Variants in CMIP observed in about 807,000 individuals in gnomAD.
The protein encoded by CMIP is C-Maf-inducing protein.
Under a neutral mutation model 97.3 loss-of-function variants are expected in CMIP, and 13 were observed. The observed-to-expected ratio is 0.13, with a 90% CI of 0.09 to 0.21. The LOEUF (loss-of-function observed/expected upper bound fraction) is 0.21, where lower values mean the gene tolerates loss of function less well. Among genes scored for constraint, CMIP ranks in the 10% least tolerant of loss-of-function variants. The probability of loss-of-function intolerance (pLI) is 1.00; values close to 1 mark genes in which losing one functional copy is unlikely to be tolerated. For synonymous variants in CMIP, 538 were observed against 436.3 expected (o/e 1.23, Z -2.91); for missense variants, 847 against 1,024.9 (o/e 0.83, Z 2.37).
rs530059161 is a variant in CMIP, at chr16:81,622,669, G to A, written c.477+1743G>A. On this transcript the variant is annotated intron_variant, in intron 3 of 20. Coordinates refer to ENST00000537098, the MANE Select transcript of CMIP (RefSeq NM_198390.3). ...TGGGGGAAAAATGCCTTATTTAAAA[G>A]GAGGCCAAGATGAGTATCAATGAAG... 1.1e-4 allele frequency among the ~76,000 whole-genome samples: 16 copies of A among 152,326 alleles called. No individual in the cohort carries two copies. In the South Asian group the frequency reaches 3.1e-3, roughly 30 times the overall value.
At chr16:81,569,469 G>C (rs1461031625) in intron 1 of CMIP, among the ~76,000 whole-genome samples, 2 of 152,154 alleles carry the variant, frequency 1.3e-5, no homozygotes. Flanking sequence ...GCACTGGCTG[G>C]GCCTCAGGGG....
In CMIP at chr16:81,696,265, G is replaced by A. The variant is rs1228770358; in HGVS notation, c.1531-295G>A. 6 of 488,824 alleles carry A rather than the reference G, an allele frequency of 1.2e-5. No individual in the cohort carries two copies. The East Asian group carries it at 2.0e-4, about 16-fold the overall frequency. The allele number at this position is 488,824 out of a possible 1,614,324, so 30.3% of individuals were successfully genotyped here. On this transcript the variant is annotated intron_variant, in intron 13 of 20. Coordinates refer to ENST00000537098, the MANE Select transcript of CMIP (RefSeq NM_198390.3). Reference sequence around the variant, plus strand: ...GTTGCTCTGGGCATCTCTACCTGCTGCAGCCACAGGCCCGCTTCATTCAGA... The same window carrying A: ...GTTGCTCTGGGCATCTCTACCTGCTACAGCCACAGGCCCGCTTCATTCAGA...
At position 81,620,917 on chromosome 16, in the gene CMIP, G is replaced by C; in HGVS notation, c.468G>C (p.Leu156=). Residue 156 remains leucine (L), a synonymous_variant, in exon 3 of 21, where the codon CTG becomes CTC. Transcript: ENST00000537098. ...TGCGAGACCAGTGGTTCCATTCTCT[G>C]CAATGGAAGGTAAGTACTGACTCGG... is the stretch of plus-strand genomic sequence containing the variant. ...SYLRDQWFHS[L]QWKKKIYKYK... 1.9e-6 allele frequency: 3 copies of C among 1,613,986 alleles called. No homozygotes were observed. The highest frequency in any genetic ancestry group is 2.5e-6 in the Non-Finnish European group (3 of 1,179,858).
chr16:81,562,743 A>C (rs749750986), intron 1 of CMIP, among the ~76,000 whole-genome samples: 1 of 152,270 alleles, frequency 6.6e-6, no homozygotes, highest in African/African-American at 2.4e-5. Flanking sequence ...AAGGGCTCCA[A>C]GTTCATATCA....
rs1328463648 is a variant in CMIP, at chr16:81,711,535, T to C, written c.*1736T>C. 6.6e-6 allele frequency: 1 copy of C among 150,628 alleles called. No individual in the cohort carries two copies. The highest frequency in any genetic ancestry group is 1.9e-4 in the East Asian group (1 of 5,172). The allele number at this position is 150,628 out of a possible 1,614,324, so 9.3% of individuals were successfully genotyped here. ...TTCTTTCCCCCCTCCGGTCCCATAC[T>C]TCACAGCACTCTGGTGCGGGAAGAA... is the stretch of plus-strand genomic sequence containing the variant. On this transcript the variant is annotated 3_prime_UTR_variant, in exon 21 of 21. Coordinates refer to ENST00000537098, the MANE Select transcript of CMIP (RefSeq NM_198390.3).
At chr16:81,694,469 G>T (rs975756971) in intron 13 of CMIP, among the ~76,000 whole-genome samples, 1 of 152,152 alleles carries the variant, frequency 6.6e-6, no homozygotes, top group Non-Finnish European at 1.5e-5. Flanking sequence ...TAGTCTGGAG[G>T]GTGGAGCATG....
chr16:81,450,613 T>A (rs80327237), intron 1 of CMIP, among the ~76,000 whole-genome samples: 4,258 of 152,264 alleles, frequency 0.028, 83 homozygotes, highest in Non-Finnish European at 0.045. Flanking sequence ...TACCTAAAAA[T>A]GGGTGGCCTC....
chr16:81,529,285 T>C (rs904243024), intron 1 of CMIP, among the ~76,000 whole-genome samples: 1 of 151,694 alleles, frequency 6.6e-6, no homozygotes, highest in African/African-American at 2.4e-5. Context: ...AAGAGAGAGA[T>C]TGGGGGCACA....
At chr16:81,594,921 G>A (rs546302233) in intron 1 of CMIP, among the ~76,000 whole-genome samples, 23 of 151,312 alleles carry the variant, frequency 1.5e-4, no homozygotes, top group African/African-American at 5.1e-4. Flanking sequence ...GTGAGCCACC[G>A]CGCCCGGCCA....
rs112423055 is a variant in CMIP, at chr16:81,477,550, G to T, written c.300+32009G>T. Among the ~76,000 whole-genome samples, 71 of 152,360 alleles carry T rather than the reference G, an allele frequency of 4.7e-4. 2 individuals carry two copies. Among genetic ancestry groups the T allele is most frequent in the African/African-American group, 1.7e-3 (69 of 41,584 alleles). On this transcript the variant is annotated intron_variant, in intron 1 of 20. Transcript: ENST00000537098. ...ACTGAAGGCAATGGCTGCCCTCCCT[G>T]TGTGAAGGCGGCTGGACTGTCGTCA... is the stretch of plus-strand genomic sequence containing the variant.
chr16:81,568,918 G>A (rs2091033363), intron 1 of CMIP, among the ~76,000 whole-genome samples: 1 of 152,234 alleles, frequency 6.6e-6, no homozygotes, highest in African/African-American at 2.4e-5. Context: ...GTGAGAAACT[G>A]TGACTGCCTC....
chr16:81,590,308 G>A (rs559905719), intron 1 of CMIP, among the ~76,000 whole-genome samples: 42 of 152,276 alleles, frequency 2.8e-4, no homozygotes, highest in African/African-American at 9.9e-4. Context: ...TGAAGGCTGT[G>A]TTGCTGGAAG....
chr16:81,706,423 G>A (rs1167870295), intron 19 of CMIP, among the ~76,000 whole-genome samples: 2 of 152,234 alleles, frequency 1.3e-5, no homozygotes, highest in Non-Finnish European at 2.9e-5. Context: ...TGGGTCAGTG[G>A]AGGCAGAGCG....
intron 3 of CMIP, chr16:81,645,748 TCTAC>T (rs2092357539): frequency 6.0e-6 from 5 of 837,920 alleles, no homozygotes; most frequent in South Asian, 4.4e-5. Flanking sequence ...CCTCCTGAGT[TCTAC>T]CTCCCTGGAC....
At chr16:81,510,335 A>G (rs957157772) in intron 1 of CMIP, among the ~76,000 whole-genome samples, 1 of 152,088 alleles carries the variant, frequency 6.6e-6, no homozygotes, top group Non-Finnish European at 1.5e-5. Context: ...TCACTTCATC[A>G]CTGATGTTTT....
intron 1 of CMIP, among the ~76,000 whole-genome samples, chr16:81,590,336 C>T (rs2091447940): frequency 6.6e-6 from 1 of 152,198 alleles, no homozygotes; most frequent in African/African-American, 2.4e-5. Context: ...CCCCAGCTTT[C>T]TTGACACTGT....
chr16:81,606,513 TC>T (rs2091746580), intron 1 of CMIP, among the ~76,000 whole-genome samples: 1 of 152,178 alleles, frequency 6.6e-6, no homozygotes. Flanking sequence ...ACAGCAAGAC[TC>T]ACTCAGAGAG....
intron 1 of CMIP, among the ~76,000 whole-genome samples, chr16:81,562,936 C>T (rs1159525266): frequency 6.6e-6 from 1 of 152,316 alleles, no homozygotes; most frequent in East Asian, 1.9e-4. Context: ...CTGCCGCGTC[C>T]TCGAGCTGAG....
At chr16:81,638,012 G>A (rs561043659) in intron 3 of CMIP, among the ~76,000 whole-genome samples, 17 of 152,020 alleles carry the variant, frequency 1.1e-4, no homozygotes, top group African/African-American at 3.6e-4. Context: ...CCCCCACGAG[G>A]CCCCACCTCC....
Sources: allele counts gnomAD v4.1 joint callset (sites outside exome capture counted in the v4.1 genomes callset), GRCh38; gene constraint gnomAD v4.1.1; transcripts MANE v1.5; gene names NCBI Gene and HGNC (gene_info 2026-07-23, HGNC 2026-07-21).